Variants in COL17A1 observed in about 807,000 individuals in gnomAD.
The protein encoded by COL17A1 is collagen type XVII alpha 1 chain, also known as collagen alpha-1(XVII) chain.
Under a neutral mutation model 218.4 loss-of-function variants are expected in COL17A1, and 181 were observed. That is an observed-to-expected ratio of 0.83 (90% CI 0.73 to 0.94). The LOEUF (loss-of-function observed/expected upper bound fraction) is 0.94, where lower values mean the gene tolerates loss of function less well. COL17A1 is among the 40% of genes least tolerant of loss of function. COL17A1 has a pLI of 0.00. For synonymous variants in COL17A1, 721 were observed against 731.0 expected, an observed-to-expected ratio of 0.99 and a Z score of 0.22; for missense variants, 1,924 against 1,945.9, an observed-to-expected ratio of 0.99 and a Z score of 0.21.
At chr10:104,068,320 T>C (rs1266449076) in intron 9 of COL17A1, among the ~76,000 whole-genome samples, 1 of 152,210 alleles carries the variant, frequency 6.6e-6, no homozygotes, top group East Asian at 1.9e-4. Flanking sequence ...AAACTAAAGT[T>C]AAACCAGACC....
Position 104,064,462 on chromosome 10 carries a change from T to C in COL17A1, c.742A>G (p.Thr248Ala). 6.2e-7 allele frequency: 1 copy of C among 1,613,910 alleles called. No homozygotes were observed. The highest frequency in any genetic ancestry group is 8.5e-7 in the Non-Finnish European group (1 of 1,179,980). Residue 248 changes from threonine (T) to alanine (A), a missense_variant, in exon 10 of 56, where the codon ACC (threonine) becomes GCC (alanine). By Grantham distance (58) the Thr-to-Ala change is moderately conservative. Coordinates refer to ENST00000648076, the MANE Select transcript of COL17A1 (RefSeq NM_000494.4). Reference protein sequence around the residue: ...MTTQSSSLLNTNAYSAGSVFG... With the variant: ...MTTQSSSLLNANAYSAGSVFG... ...CCTGATCCCGCAGAGTAGGCATTGG[T>C]GTTGAGGAGGGATGAGCTCTGGGTT...
chr10:104,043,283 A>G (rs2086378042), intron 35 of COL17A1, among the ~76,000 whole-genome samples: 2 of 152,124 alleles, frequency 1.3e-5, no homozygotes, highest in South Asian at 4.1e-4. Flanking sequence ...CCTTCTCTAA[A>G]TGCTGAGAGC....
intron 5 of COL17A1, among the ~76,000 whole-genome samples, chr10:104,075,734 C>CT (rs1440800094): frequency 6.6e-6 from 1 of 152,206 alleles, no homozygotes; most frequent in Non-Finnish European, 1.5e-5. Flanking sequence ...ACCTTTTGCA[C>CT]GTAAGTACCA....
intron 49 of COL17A1, 36 bp from the exon 50 acceptor site, chr10:104,035,409 G>A: frequency 6.2e-7 from 1 of 1,613,462 alleles, no homozygotes; most frequent in South Asian, 1.1e-5. Context: ...GTCAGTCCTG[G>A]CCTGGGCCAA....
At chr10:104,064,400 T>A (rs760131408) in intron 10 of COL17A1, 38 bp downstream of exon 10, 9 of 1,613,462 alleles carry the variant, frequency 5.6e-6, no homozygotes, top group Non-Finnish European at 7.6e-6. Context: ...CATGCCGAGT[T>A]CAGGGGTGAG....
chr10:104,044,746 C>T (rs550557592), intron 33 of COL17A1, among the ~76,000 whole-genome samples: 1 of 152,014 alleles, frequency 6.6e-6, no homozygotes, highest in African/African-American at 2.4e-5. Flanking sequence ...GTCTGAACTC[C>T]CCCTTGGACT....
At chr10:104,064,643 C>T (rs1564682657) in intron 9 of COL17A1, 47 bp from the exon 10 acceptor site, 3 of 1,549,804 alleles carry the variant, frequency 1.9e-6, no homozygotes, top group Admixed American at 1.8e-5. Flanking sequence ...CAAATCAACA[C>T]TCCCTGCTGG....
In COL17A1 at chr10:104,080,624, C is replaced by A; in HGVS notation, c.50G>T (p.Arg17Ile). ...TTAAAAAATTCTGATGCTCTTACTTCTCTCAGTGACTTCAGTTCCATCTCG... is the reference window on the plus strand; with the variant it reads ...TTAAAAAATTCTGATGCTCTTACTTATCTCAGTGACTTCAGTTCCATCTCG... ...NKRDGTEVTE[R>I]IVTETVTTRL... The change falls in exon 2 of 56, where the codon AGA (arginine) becomes ATA (isoleucine). Residue 17 changes from arginine to isoleucine, a missense_variant and splice_region_variant. By Grantham distance (97) the Arg-to-Ile change is moderately conservative. Coordinates refer to ENST00000648076, the MANE Select transcript of COL17A1 (RefSeq NM_000494.4). The A allele has an allele frequency of 1.2e-6, 2 of 1,612,800 alleles. No individual in the cohort carries two copies. The highest frequency in any genetic ancestry group is 1.7e-6 in the Non-Finnish European group (2 of 1,179,928).
chr10:104,057,951 C>A (rs186903792), intron 16 of COL17A1, among the ~76,000 whole-genome samples, 195 bp downstream of exon 16: 1 of 152,164 alleles, frequency 6.6e-6, no homozygotes, highest in Non-Finnish European at 1.5e-5. Context: ...GCTCCTTCTG[C>A]GGCCACCTCT....
intron 1 of COL17A1, among the ~76,000 whole-genome samples, chr10:104,081,294 A>G (rs1247180035): frequency 6.6e-6 from 1 of 152,268 alleles, no homozygotes; most frequent in Non-Finnish European, 1.5e-5. Flanking sequence ...ATCTGCAGAC[A>G]TAAGTATGAA....
At position 104,052,230 on chromosome 10, in the gene COL17A1, G is replaced by A. The variant is rs921064651; in HGVS notation, c.1940-13C>T. On this transcript the variant is annotated splice_polypyrimidine_tract_variant and intron_variant, in intron 23 of 55. Coordinates refer to ENST00000648076, the MANE Select transcript of COL17A1 (RefSeq NM_000494.4). ...TCACCAGCAGCCCCTGAGGAGAAAT[G>A]GAGGGATGAGCACTTTGGGAGAGGC... 3.7e-6 allele frequency: 6 copies of A among 1,614,032 alleles called. No homozygotes were observed. The African/African-American group carries it at 5.3e-5, about 14-fold the overall frequency.
At chr10:104,047,127 C>A (rs114843489) in intron 31 of COL17A1, among the ~76,000 whole-genome samples, 1 of 152,174 alleles carries the variant, frequency 6.6e-6, no homozygotes, top group South Asian at 2.1e-4. Context: ...TCTGGGCACC[C>A]GCCAAAGGAG....
In COL17A1 at chr10:104,070,526, T is replaced by C. The variant is rs2086660578; in HGVS notation, c.507A>G (p.Arg169=). The C allele has an allele frequency of 6.2e-7, 1 of 1,614,208 alleles. No individual in the cohort carries two copies. The highest frequency in any genetic ancestry group is 8.5e-7 in the Non-Finnish European group (1 of 1,180,040). The change falls in exon 9 of 56, where the codon CGA becomes CGG. Residue 169 remains arginine, a synonymous_variant. Transcript: ENST00000648076. ...DDVKRLLKGS[R]SASVSPTRNS... ...TCCGGGTGGGGCTCACACTTGCCGA[T>C]CGACTCCCCTTGAGCAAACGCTTAA... is the stretch of plus-strand genomic sequence containing the variant.
At chr10:104,042,737 T>C (rs2086372676) in intron 35 of COL17A1, among the ~76,000 whole-genome samples, 1 of 152,226 alleles carries the variant, frequency 6.6e-6, no homozygotes, top group African/African-American at 2.4e-5. Context: ...TCACTGGAGC[T>C]TGTCAGGAGG....
chr10:104,038,446 A>G lies in COL17A1; in HGVS notation c.3030T>C (p.Ser1010=). Residue 1010 remains serine, a synonymous_variant, in exon 45 of 56, where the codon TCT becomes TCC. Transcript: ENST00000648076. ...AGATGTACTGCTGAATCTCCTGGCC[A>G]GAGCTGCTGATAGAGCCCGGAGGCC... ...PPGPPGSISS[S]GQEIQQYISE... is the part of the protein sequence containing the mutation. 6.2e-7 allele frequency: 1 copy of G among 1,614,088 alleles called. No homozygotes were observed.
intron 1 of COL17A1, among the ~76,000 whole-genome samples, chr10:104,084,864 T>C (rs544811882): frequency 6.6e-6 from 1 of 152,212 alleles, no homozygotes; most frequent in Non-Finnish European, 1.5e-5. Context: ...TTAAAAATCT[T>C]GCTACGTTTT....
chr10:104,052,540 G>T (rs1437827652), intron 23 of COL17A1, among the ~76,000 whole-genome samples: 1 of 152,166 alleles, frequency 6.6e-6, no homozygotes, highest in East Asian at 1.9e-4. Flanking sequence ...ATCTGTCTTG[G>T]TTTCCCCTGA....
At chr10:104,076,514 A>C (rs749850721) in intron 4 of COL17A1, 85 bp from the exon 5 acceptor site, 186 of 1,592,246 alleles carry the variant, frequency 1.2e-4, no homozygotes, top group Non-Finnish European at 1.5e-4. Context: ...ATATTAACCA[A>C]GTACACTCAG....
intron 46 of COL17A1, among the ~76,000 whole-genome samples, 181 bp downstream of exon 46, chr10:104,037,455 T>C (rs1057245074): frequency 6.6e-6 from 1 of 152,172 alleles, no homozygotes; most frequent in Non-Finnish European, 1.5e-5. Flanking sequence ...GTGGCCGCCC[T>C]GAATCTGGAC....
Sources: allele counts gnomAD v4.1 joint callset (sites outside exome capture counted in the v4.1 genomes callset), GRCh38; gene constraint gnomAD v4.1.1; transcripts MANE v1.5; gene names NCBI Gene and HGNC (gene_info 2026-07-23, HGNC 2026-07-21).